HECW2: variants seen among roughly 807,000 people sequenced by gnomAD.
HECW2 encodes the protein E3 ubiquitin-protein ligase HECW2.
In HECW2, 61 loss-of-function variants were observed where a neutral mutation model predicts 175.2. The ratio of observed to expected loss-of-function variants is 0.35; its 90% CI spans 0.28 to 0.43. The LOEUF (loss-of-function observed/expected upper bound fraction) is 0.43. Among genes scored for constraint, HECW2 ranks in the 20% least tolerant of loss-of-function variants. The pLI, the probability that HECW2 is intolerant of heterozygous loss-of-function variation, is 1.00. For missense variants in HECW2, 1,524 were observed against 2,000.5 expected (o/e 0.76, Z 4.54); for synonymous variants, 671 against 731.0 (o/e 0.92, Z 1.32).
intron 17 of HECW2, among the ~76,000 whole-genome samples, chr2:196,268,662 G>A (rs949796925): frequency 2.6e-5 from 4 of 152,186 alleles, no homozygotes; most frequent in African/African-American, 4.8e-5. Flanking sequence ...AATGTGGAAC[G>A]CAGAGAAAAA....
chr2:196,248,632 A>ACACACG (rs869058274), intron 19 of HECW2, among the ~76,000 whole-genome samples: 1 of 144,418 alleles, frequency 6.9e-6, no homozygotes, highest in Non-Finnish European at 1.5e-5. Context: ...ACACACACAC[A>ACACACG]GAGAGAGACA....
In HECW2 at chr2:196,270,655, TC is replaced by T. The variant is rs553722151; in HGVS notation, c.3335+537del. Among the ~76,000 whole-genome samples the T allele has an allele frequency of 1.9e-3, 286 of 152,228 alleles. 2 individuals are homozygous for T. Among genetic ancestry groups the T allele is most frequent in the African/African-American group, 6.6e-3 (275 of 41,536 alleles). On this transcript the variant is annotated intron_variant, in intron 17 of 28. Transcript: ENST00000644978. ...TTGGCTTAAATTTTTTTTTCATATT[TC>T]GTTTTTTAAATAGGGTTCTGGGTTG...
chr2:196,576,099 T>C (rs1690552673), intron 1 of HECW2, among the ~76,000 whole-genome samples: 1 of 152,200 alleles, frequency 6.6e-6, no homozygotes, highest in Admixed American at 6.5e-5. Flanking sequence ...CTTTTCAGTG[T>C]TTATATATGT....
In HECW2 at chr2:196,320,320, A is replaced by G. The variant is rs1691893706; in HGVS notation, c.985+19T>C. The G allele has an allele frequency of 1.4e-6, 2 of 1,445,728 alleles. No homozygotes were observed. The highest frequency in any genetic ancestry group is 1.9e-6 in the Non-Finnish European group (2 of 1,030,714). 89.6% of individuals were successfully genotyped at this position (1,445,728 alleles called of 1,614,324 possible). On this transcript the variant is annotated intron_variant, in intron 8 of 28. Coordinates refer to ENST00000644978, the MANE Select transcript of HECW2 (RefSeq NM_001348768.2). ...TTTTCCTATAGCAATGTATTCATAC[A>G]GATATATTTATATCTCACCTTCATG...
At chr2:196,531,666 A>C (rs931813892) in intron 1 of HECW2, among the ~76,000 whole-genome samples, 1 of 149,398 alleles carries the variant, frequency 6.7e-6, no homozygotes, top group Non-Finnish European at 1.5e-5. Flanking sequence ...TGTCTCAAAA[A>C]AAAAACAAAA....
chr2:196,386,782 A>G (rs960730891), intron 2 of HECW2, among the ~76,000 whole-genome samples: 2 of 152,180 alleles, frequency 1.3e-5, no homozygotes, highest in African/African-American at 2.4e-5. Flanking sequence ...GTTAACTGCC[A>G]ATAGTGCTAA....
At chr2:196,524,297 G>T (rs1009249386) in intron 1 of HECW2, among the ~76,000 whole-genome samples, 18 of 123,532 alleles carry the variant, frequency 1.5e-4, no homozygotes, top group Admixed American at 3.0e-4. Flanking sequence ...ATGGTAGTTT[G>T]TATTTCTTTG....
At chr2:196,292,472 C>T in intron 14 of HECW2, 93 bp downstream of exon 14, 2 of 1,047,038 alleles carry the variant, frequency 1.9e-6, no homozygotes, top group Non-Finnish European at 2.9e-6. Context: ...TCACAAAGAG[C>T]CTTGGCCCTC....
At chr2:196,356,177 T>C (rs145960575) in intron 2 of HECW2, among the ~76,000 whole-genome samples, 85 of 152,340 alleles carry the variant, frequency 5.6e-4, no homozygotes, top group African/African-American at 1.9e-3. Context: ...GTGCCAGTGC[T>C]GTTCTAGTGT....
intron 28 of HECW2, among the ~76,000 whole-genome samples, chr2:196,204,462 A>C (rs1371179096): frequency 6.6e-6 from 1 of 152,218 alleles, no homozygotes; most frequent in Non-Finnish European, 1.5e-5. Flanking sequence ...AATTTGAAGA[A>C]GGAAGCTACT....
At chr2:196,324,138 C>G (rs1692062733) in intron 6 of HECW2, among the ~76,000 whole-genome samples, 2 of 151,986 alleles carry the variant, frequency 1.3e-5, no homozygotes, top group South Asian at 4.1e-4. Flanking sequence ...ATTGTTAGAA[C>G]ATATTGTTGT....
At chr2:196,296,742 C>T (rs1416287288) in intron 13 of HECW2, among the ~76,000 whole-genome samples, 3 of 152,100 alleles carry the variant, frequency 2.0e-5, no homozygotes, top group East Asian at 3.9e-4. Flanking sequence ...ACAAAGGCCA[C>T]GACAGTCGTG....
At chr2:196,536,595 C>A (rs1267964789) in intron 1 of HECW2, among the ~76,000 whole-genome samples, 1 of 152,178 alleles carries the variant, frequency 6.6e-6, no homozygotes, top group African/African-American at 2.4e-5. Context: ...CCACTAGAGT[C>A]TGCCATTTTG....
chr2:196,584,586 A>G (rs966301683), intron 1 of HECW2, among the ~76,000 whole-genome samples: 19 of 38,340 alleles, frequency 5.0e-4, no homozygotes, highest in Non-Finnish European at 9.8e-5. Context: ...CTCCCTATAA[A>G]TTAAAAAAAA....
intron 1 of HECW2, among the ~76,000 whole-genome samples, chr2:196,581,240 A>G (rs1216809432): frequency 2.0e-5 from 3 of 152,190 alleles, no homozygotes; most frequent in Admixed American, 2.0e-4. Context: ...AATGTACTAA[A>G]AAGTACTGAA....
intron 9 of HECW2, 66 bp from the exon 10 acceptor site, chr2:196,317,435 C>T (rs2105749055): frequency 5.4e-6 from 6 of 1,119,284 alleles, no homozygotes; most frequent in South Asian, 1.3e-5. Flanking sequence ...AGACTCTATA[C>T]AAAAAACCTA....
intron 1 of HECW2, among the ~76,000 whole-genome samples, chr2:196,585,913 G>T (rs1168958051): frequency 6.6e-6 from 1 of 152,138 alleles, no homozygotes; most frequent in East Asian, 1.9e-4. Flanking sequence ...AACTGTCAGA[G>T]AAATCTGACA....
intron 1 of HECW2, among the ~76,000 whole-genome samples, chr2:196,579,684 A>T (rs1364282135): frequency 6.6e-6 from 1 of 152,186 alleles, no homozygotes; most frequent in African/African-American, 2.4e-5. Flanking sequence ...TACAACCGGT[A>T]AGAAGTAATT....
At chr2:196,247,933 A>T (rs1160174427) in intron 19 of HECW2, among the ~76,000 whole-genome samples, 1 of 152,174 alleles carries the variant, frequency 6.6e-6, no homozygotes, top group Non-Finnish European at 1.5e-5. Flanking sequence ...TTCCTGGTTC[A>T]CTTTCAAAAA....
Sources: allele counts gnomAD v4.1 joint callset (sites outside exome capture counted in the v4.1 genomes callset), GRCh38; gene constraint gnomAD v4.1.1; transcripts MANE v1.5; gene names NCBI Gene and HGNC (gene_info 2026-07-23, HGNC 2026-07-21).